Variants in KIF1B observed in about 807,000 individuals in gnomAD.
The protein encoded by KIF1B is kinesin-like protein KIF1B.
In KIF1B, 76 loss-of-function variants were observed where a neutral mutation model predicts 241.9. The ratio of observed to expected loss-of-function variants is 0.31; its 90% CI spans 0.26 to 0.38. The LOEUF is 0.38. Ranked by LOEUF, KIF1B falls within the 10% of genes least tolerant of loss-of-function variation. The pLI, the probability that KIF1B is intolerant of heterozygous loss-of-function variation, is 1.00. For synonymous variants in KIF1B, 750 were observed against 796.7 expected, an observed-to-expected ratio of 0.94 and a Z score of 0.99; for missense variants, 1,622 against 2,271.4, an observed-to-expected ratio of 0.71 and a Z score of 5.81.
Position 10,371,151 on chromosome 1 carries a change from T to C in KIF1B, c.4835T>C (p.Ile1612Thr), listed in dbSNP as rs770495675. ...GSVSDCKLSD[I>T]SPIGRDPSES... ...TCGGTTTGCTTCCAGTTGTCTGATA[T>C]CTCTCCAATTGGACGGGATCCCTCT... The change falls in exon 45 of 49, where the codon ATC becomes ACC. Residue 1612 changes from isoleucine (I) to threonine (T), a missense_variant. By Grantham distance (89) the Ile-to-Thr change is moderately conservative (BLOSUM62 -1). Coordinates refer to ENST00000676179, the MANE Select transcript of KIF1B (RefSeq NM_001365951.3). 3 of 1,614,126 alleles carry C rather than the reference T, an allele frequency of 1.9e-6. No homozygotes were observed. In the South Asian group the frequency reaches 3.3e-5, roughly 18 times the overall value.
intron 44 of KIF1B, among the ~76,000 whole-genome samples, chr1:10,369,046 T>C (rs1259134585): frequency 6.6e-6 from 1 of 152,178 alleles, no homozygotes; most frequent in Non-Finnish European, 1.5e-5. Flanking sequence ...TTTCTCCAGG[T>C]ATTGCCATGG....
intron 2 of KIF1B, among the ~76,000 whole-genome samples, chr1:10,255,168 C>T (rs923154699): frequency 1.3e-5 from 2 of 151,944 alleles, no homozygotes; most frequent in African/African-American, 2.4e-5. Context: ...AGGCTAGTCT[C>T]GAATTCCTGA....
Position 10,256,332 on chromosome 1 carries a change from C to T in KIF1B, c.183+9C>T, listed in dbSNP as rs1647779267. 1.9e-6 allele frequency: 3 copies of T among 1,578,438 alleles called. No individual in the cohort carries two copies. The highest frequency in any genetic ancestry group is 2.6e-6 in the Non-Finnish European group (3 of 1,147,516). ...ACTGGTCTCATACCTCAGTGAGTACCCTCATGCCACAGCACTGCCAGCTCC... is the reference window on the plus strand; with the variant it reads ...ACTGGTCTCATACCTCAGTGAGTACTCTCATGCCACAGCACTGCCAGCTCC... On this transcript the variant is annotated intron_variant, in intron 3 of 48. Transcript: ENST00000676179.
intron 2 of KIF1B, among the ~76,000 whole-genome samples, chr1:10,241,981 G>A (rs576002900): frequency 6.6e-6 from 1 of 152,262 alleles, no homozygotes; most frequent in Admixed American, 6.5e-5. Context: ...TCAGTTTTCG[G>A]TAGTACCTGT....
intron 45 of KIF1B, 69 bp downstream of exon 45, chr1:10,371,331 T>C: frequency 6.3e-7 from 1 of 1,576,632 alleles, no homozygotes; most frequent in Non-Finnish European, 8.7e-7. Flanking sequence ...TTCCTCTAGC[T>C]CAATGGTTCT....
At chr1:10,299,534 A>G (rs1650436687) in intron 22 of KIF1B, among the ~76,000 whole-genome samples, 1 of 152,206 alleles carries the variant, frequency 6.6e-6, no homozygotes, top group Admixed American at 6.5e-5. Context: ...ATGTATTTCT[A>G]ATGCACCCTG....
At chr1:10,228,035 A>G (rs1425493651) in intron 1 of KIF1B, among the ~76,000 whole-genome samples, 1 of 151,402 alleles carries the variant, frequency 6.6e-6, no homozygotes, top group Non-Finnish European at 1.5e-5. Flanking sequence ...TAATACAAAA[A>G]TTACCCGGGC....
intron 23 of KIF1B, among the ~76,000 whole-genome samples, chr1:10,320,355 C>T (rs1466775888): frequency 1.3e-5 from 2 of 152,076 alleles, no homozygotes; most frequent in Non-Finnish European, 2.9e-5. Flanking sequence ...TGTTCTTAGA[C>T]CTTCGCACGG....
In KIF1B at chr1:10,227,039, T is replaced by C. The variant is rs1206667156; in HGVS notation, c.-79-5211T>C. On this transcript the variant is annotated intron_variant, in intron 1 of 48. Coordinates refer to ENST00000676179, the MANE Select transcript of KIF1B (RefSeq NM_001365951.3). The stretch of plus-strand genomic sequence containing the variant: ...TAAATAACGCAAGTCTCTCTTTTTT[T>C]TTTTTTTTTTTTTTTGAGATGAAGT... Among the ~76,000 whole-genome samples the C allele has an allele frequency of 9.2e-5, 10 of 108,806 alleles. No homozygotes were observed. In the East Asian group the frequency reaches 1.0e-3, roughly 11 times the overall value. The allele number at this position is 108,806 out of a possible 152,430, so 71.4% of individuals were successfully genotyped here. A position where few individuals can be genotyped will look rare whatever the true frequency, so the allele number is the denominator to read the frequency against.
intron 2 of KIF1B, among the ~76,000 whole-genome samples, chr1:10,237,536 C>G (rs1293811829): frequency 6.6e-6 from 1 of 152,092 alleles, no homozygotes; most frequent in Non-Finnish European, 1.5e-5. Flanking sequence ...CTTCCTTTGC[C>G]AGGACCTTTT....
In KIF1B at chr1:10,303,427, G is replaced by A. The variant is rs755362185; in HGVS notation, c.2115+6181G>A. The A allele has an allele frequency of 1.9e-6, 3 of 1,614,210 alleles. No individual in the cohort carries two copies. In the Admixed American group the frequency reaches 5.0e-5, roughly 27 times the overall value. ...TGTCAAAGAGATTTGCTATGAGGTTGCTCTCAATGACTTCAGGCACAGTCG... is the reference window on the plus strand; with the variant it reads ...TGTCAAAGAGATTTGCTATGAGGTTACTCTCAATGACTTCAGGCACAGTCG... On this transcript the variant is annotated intron_variant, in intron 22 of 48. Transcript: ENST00000676179. The surrounding 1 kb of genome is among the most constrained non-coding windows in gnomAD (Gnocchi z 5.2).
intron 22 of KIF1B, chr1:10,306,874 T>C (rs1650857467): frequency 9.6e-7 from 1 of 1,040,918 alleles, no homozygotes; most frequent in Non-Finnish European, 1.2e-6. Context: ...GGTAGGTCCA[T>C]ATATTTTCAT....
At chr1:10,230,437 T>C (rs1056237144) in intron 1 of KIF1B, among the ~76,000 whole-genome samples, 1 of 135,426 alleles carries the variant, frequency 7.4e-6, no homozygotes, top group Non-Finnish European at 1.6e-5. Context: ...GTTTTTTTTT[T>C]CTTTCTTTTT....
chr1:10,335,841 G>GAAA (rs70997221), intron 28 of KIF1B, among the ~76,000 whole-genome samples: 1 of 144,016 alleles, frequency 6.9e-6, no homozygotes, highest in African/African-American at 2.6e-5. Flanking sequence ...AAAAACAATT[G>GAAA]AAAAAAAAAA....
intron 10 of KIF1B, among the ~76,000 whole-genome samples, chr1:10,273,602 G>A (rs1648919555): frequency 6.6e-6 from 1 of 150,816 alleles, no homozygotes; most frequent in Admixed American, 6.7e-5. Flanking sequence ...CTGATTGGTG[G>A]ATTGTGTGTC....
At chr1:10,253,338 G>A (rs11807510) in intron 2 of KIF1B, among the ~76,000 whole-genome samples, 5,503 of 152,080 alleles carry the variant, frequency 0.036, 347 homozygotes, top group African/African-American at 0.12. Context: ...TGAGTGCTTG[G>A]GAGCATCAAA....
intron 1 of KIF1B, among the ~76,000 whole-genome samples, chr1:10,215,668 C>G (rs973485935): frequency 6.6e-6 from 1 of 152,062 alleles, no homozygotes; most frequent in African/African-American, 2.4e-5. Flanking sequence ...ATCTCAGTCT[C>G]CTGAGTAGCT....
In KIF1B at chr1:10,261,982, C is replaced by T. The variant is rs112261441; in HGVS notation, c.429+12C>T. On this transcript the variant is annotated intron_variant, in intron 5 of 48. Transcript: ENST00000676179. ...CTTACTCTGTAGAGGTGAGTACAGC[C>T]GTGAGTTGACACCGTAAGCCCTTGT... The T allele has an allele frequency of 3.8e-5, 60 of 1,580,768 alleles. 2 individuals are homozygous for T. The highest frequency in any genetic ancestry group is 2.2e-4 in the African/African-American group (16 of 74,348).
intron 22 of KIF1B, among the ~76,000 whole-genome samples, chr1:10,302,350 T>G (rs1338252915): frequency 6.6e-6 from 1 of 152,170 alleles, no homozygotes; most frequent in Non-Finnish European, 1.5e-5. Flanking sequence ...CACACTTTAA[T>G]CGTACGACGG....
Sources: gnomAD v4.1 joint callset for allele counts (sites outside exome capture counted in the v4.1 genomes callset) on GRCh38, gnomAD v4.1.1 for gene constraint, Gnocchi (gnomAD v3.1) non-coding constraint, MANE v1.5 for transcripts, NCBI Gene and HGNC (gene_info 2026-07-23, HGNC 2026-07-21) for gene names.